REEP6: variants seen among roughly 807,000 people sequenced by gnomAD.
REEP6 encodes the protein receptor accessory protein 6, also known as receptor expression-enhancing protein 6.
A neutral mutation model predicts 22.4 loss-of-function variants in REEP6; 19 were observed. The observed-to-expected ratio is 0.85, with a 90% CI of 0.59 to 1.25. REEP6 has a LOEUF of 1.25. REEP6 is among the 50% of genes most tolerant of loss of function. The probability of loss-of-function intolerance (pLI) is 0.00; values close to 1 mark genes in which losing one functional copy is unlikely to be tolerated. For missense variants in REEP6, 273 were observed against 251.9 expected (o/e 1.08, Z -0.57); for synonymous variants, 121 against 113.6 (o/e 1.06, Z -0.41).
At chr19:1,494,232 G>A (rs552132035) in intron 1 of REEP6, among the ~76,000 whole-genome samples, 45 of 152,282 alleles carry the variant, frequency 3.0e-4, no homozygotes, top group African/African-American at 9.9e-4. Context: ...GTGCACACCC[G>A]ACCAAAGGGC....
Position 1,497,730 on chromosome 19 carries a change from T to G in REEP6, c.*519T>G. On this transcript the variant is annotated 3_prime_UTR_variant, in exon 5 of 5. Transcript: ENST00000233596. The surrounding 1 kb of genome is among the most constrained non-coding windows in gnomAD (Gnocchi z 6.5). ...CAGCGGACAGCGCCAGAAGGAATCG[T>G]CGAAACAGCCTGCCAGCAGCGCCTC... 2.1e-6 allele frequency: 1 copy of G among 470,876 alleles called. No individual in the cohort carries two copies. Among genetic ancestry groups the G allele is most frequent in the Non-Finnish European group, 4.4e-6 (1 of 227,330 alleles). 29.2% of individuals were successfully genotyped at this position (470,876 alleles called of 1,614,324 possible). A position where few individuals can be genotyped will look rare whatever the true frequency, so the allele number is the denominator to read the frequency against.
Position 1,492,337 on chromosome 19 carries a change from G to A in REEP6, c.115+953G>A, listed in dbSNP as rs112137361. On this transcript the variant is annotated intron_variant, in intron 1 of 4. Transcript: ENST00000233596. ...AAACGGGGTTTCACCATGTTGGCCA[G>A]GCTGGTCTTGAACTCCTGGCCTCAG... Among the ~76,000 whole-genome samples the A allele has an allele frequency of 2.0e-4, 31 of 152,270 alleles. 1 individual carries two copies. The highest frequency in any genetic ancestry group is 7.2e-4 in the African/African-American group (30 of 41,552).
chr19:1,497,484 C>G lies in REEP6; in HGVS notation c.*273C>G, dbSNP rs549303844. 8.7e-6 allele frequency: 6 copies of G among 690,436 alleles called. No homozygotes were observed. The highest frequency in any genetic ancestry group is 1.6e-5 in the Non-Finnish European group (6 of 368,170). The allele number at this position is 690,436 out of a possible 1,614,324, so 42.8% of individuals were successfully genotyped here. On this transcript the variant is annotated 3_prime_UTR_variant, in exon 5 of 5. Coordinates refer to ENST00000233596, the MANE Select transcript of REEP6 (RefSeq NM_138393.4). The surrounding 1 kb of genome is among the most constrained non-coding windows in gnomAD (Gnocchi z 6.5). Reference sequence around the variant, plus strand: ...GTCCGGCAGGGCCCAGGGCCAGCGTCGGGCACAGGGCAGCTCCCACTGGTC... The same window carrying G: ...GTCCGGCAGGGCCCAGGGCCAGCGTGGGGCACAGGGCAGCTCCCACTGGTC...
Position 1,491,299 on chromosome 19 carries a change from C to A in REEP6, c.30C>A (p.His10Gln), listed in dbSNP as rs533860941. ...ACGGCCTGAGGCAGCGCGTGGAGCA[C>A]TTCCTGGAGCAAAGGAACCTGGTCA... is the stretch of plus-strand genomic sequence containing the variant. MDGLRQRVE[H>Q]FLEQRNLVTE... The change falls in exon 1 of 5, where the codon CAC (histidine) becomes CAA (glutamine). Residue 10 changes from histidine (H) to glutamine (Q), a missense_variant. Physicochemically the swap from His to Gln is conservative, Grantham distance 24. Transcript: ENST00000233596. This position sits in a 1 kb window ranked among gnomAD's most constrained non-coding sequence, Gnocchi z 5.4. The A allele has an allele frequency of 1.0e-5, 15 of 1,473,560 alleles. 1 individual carries two copies. The South Asian group carries it at 1.9e-4, about 18-fold the overall frequency. 91.3% of individuals were successfully genotyped at this position (1,473,560 alleles called of 1,614,324 possible). A position where few individuals can be genotyped will look rare whatever the true frequency, so the allele number is the denominator to read the frequency against.
intron 3 of REEP6, chr19:1,495,827 A>T (rs2085001997): frequency 3.2e-6 from 2 of 620,912 alleles, no homozygotes; most frequent in African/African-American, 1.9e-5. Context: ...CTCCAATAGG[A>T]TGTCCGATGG....
chr19:1,494,700 T>TC (rs1198375751), intron 1 of REEP6, among the ~76,000 whole-genome samples: 2 of 150,880 alleles, frequency 1.3e-5, no homozygotes, highest in Admixed American at 1.3e-4. Context: ...AGATTACACT[T>TC]TTTTTTTTTT....
At chr19:1,496,563 C>A in intron 4 of REEP6, 110 bp downstream of exon 4, 1 of 1,211,240 alleles carries the variant, frequency 8.3e-7, no homozygotes. Flanking sequence ...CACTGTCCGC[C>A]TCTCTCTCTC....
intron 1 of REEP6, among the ~76,000 whole-genome samples, 153 bp from the exon 2 acceptor site, chr19:1,495,141 T>G (rs1202082752): frequency 2.6e-5 from 4 of 152,200 alleles, no homozygotes; most frequent in Admixed American, 1.3e-4. Flanking sequence ...ATGGGGGATG[T>G]ACAGGCACAT....
chr19:1,492,315 C>T (rs895709837), intron 1 of REEP6, among the ~76,000 whole-genome samples: 5 of 152,026 alleles, frequency 3.3e-5, no homozygotes, highest in Admixed American at 1.3e-4. Flanking sequence ...CATGGTGAAA[C>T]GGGGTTTCAC....
chr19:1,497,289 T>G lies in REEP6; in HGVS notation c.*78T>G. On this transcript the variant is annotated 3_prime_UTR_variant, in exon 5 of 5. Coordinates refer to ENST00000233596, the MANE Select transcript of REEP6 (RefSeq NM_138393.4). The surrounding 1 kb of genome is among the most constrained non-coding windows in gnomAD (Gnocchi z 6.5). ...GCCAGGCTCCCAGGCCTCCACAGAGTCTTCAGCGCATCCCCCAACAGCAGC... is the reference window on the plus strand; with the variant it reads ...GCCAGGCTCCCAGGCCTCCACAGAGGCTTCAGCGCATCCCCCAACAGCAGC... The G allele has an allele frequency of 7.6e-7, 1 of 1,308,680 alleles. No homozygotes were observed. Among genetic ancestry groups the G allele is most frequent in the Non-Finnish European group, 1.1e-6 (1 of 925,578 alleles). The allele number at this position is 1,308,680 out of a possible 1,614,324, so 81.1% of individuals were successfully genotyped here. A position where few individuals can be genotyped will look rare whatever the true frequency, so the allele number is the denominator to read the frequency against.
chr19:1,495,782 C>A, intron 3 of REEP6, 175 bp downstream of exon 3: 1 of 802,108 alleles, frequency 1.2e-6, no homozygotes, highest in Non-Finnish European at 1.9e-6. Flanking sequence ...GAGGGCCCAC[C>A]CTGAAGGGTG....
chr19:1,495,788 G>T, intron 3 of REEP6, 181 bp downstream of exon 3: 1 of 771,066 alleles, frequency 1.3e-6, no homozygotes, highest in Non-Finnish European at 2.0e-6. Flanking sequence ...CCACCCTGAA[G>T]GGTGTCTGAT....
Position 1,496,392 on chromosome 19 carries a change from C to G in REEP6, c.456C>G (p.Asp152Glu), listed in dbSNP as rs1387565911. The change falls in exon 4 of 5, where the codon GAC (aspartate) becomes GAG (glutamate). Residue 152 changes from aspartate to glutamate, a missense_variant. Asp to Glu is a conservative substitution (Grantham distance 45). Transcript: ENST00000233596. ...PLFLRHHGAV[D>E]RIMNDLSGRA... ...TCCTAAGGCACCACGGGGCCGTAGA[C>G]AGAATCATGAACGACCTCAGCGGGC... 4.3e-6 allele frequency: 7 copies of G among 1,613,090 alleles called. No homozygotes were observed. The highest frequency in any genetic ancestry group is 1.3e-5 in the African/African-American group (1 of 74,928).
rs1213554985 is a variant in REEP6, at chr19:1,497,754, T to G, written c.*543T>G. 2.1e-6 allele frequency: 1 copy of G among 470,588 alleles called. No homozygotes were observed. Among genetic ancestry groups the G allele is most frequent in the Admixed American group, 2.3e-5 (1 of 42,562 alleles). 29.2% of individuals were successfully genotyped at this position (470,588 alleles called of 1,614,324 possible). On this transcript the variant is annotated 3_prime_UTR_variant, in exon 5 of 5. Transcript: ENST00000233596. This position sits in a 1 kb window ranked among gnomAD's most constrained non-coding sequence, Gnocchi z 6.5. ...GTCGAAACAGCCTGCCAGCAGCGCC[T>G]CAGTGCCCGAGCTGGTCCCCTGCCA...
In REEP6 at chr19:1,497,213, G is replaced by T; in HGVS notation, c.*2G>T. ...ACCCCGCAGCCGAAGGACAAGTGAA[G>T]CAGCCCCCTGAGCCTCACAAGGACC... On this transcript the variant is annotated 3_prime_UTR_variant, in exon 5 of 5. Transcript: ENST00000233596. The surrounding 1 kb of genome is among the most constrained non-coding windows in gnomAD (Gnocchi z 6.5). 1 of 1,425,938 alleles carries T rather than the reference G, an allele frequency of 7.0e-7. No individual in the cohort carries two copies. Among genetic ancestry groups the T allele is most frequent in the African/African-American group, 1.5e-5 (1 of 66,216 alleles). The allele number at this position is 1,425,938 out of a possible 1,614,324, so 88.3% of individuals were successfully genotyped here.
In REEP6 at chr19:1,495,505, CACTGTGTGGCTCACCT is replaced by C; in HGVS notation, c.251_266del (p.Val84GlyfsTer57). 6.2e-7 allele frequency: 1 copy of C among 1,614,102 alleles called. No homozygotes were observed. The highest frequency in any genetic ancestry group is 8.5e-7 in the Non-Finnish European group (1 of 1,180,016). On this transcript the variant is annotated frameshift_variant, in exon 3 of 5. Transcript: ENST00000233596. LOFTEE classifies it high-confidence loss of function. Reference sequence around the variant, plus strand: ...TCGAGAGCCCAAGCAAGGACGACGACACTGTGTGGCTCACCTACTGGGTGGTGTACGCCCTGTTTGG... The same window carrying C: ...TCGAGAGCCCAAGCAAGGACGACGACACTGGGTGGTGTACGCCCTGTTTGG...
At position 1,497,401 on chromosome 19, in the gene REEP6, C is replaced by T. The variant is rs1344333751; in HGVS notation, c.*190C>T. On this transcript the variant is annotated 3_prime_UTR_variant, in exon 5 of 5. Transcript: ENST00000233596. The surrounding 1 kb of genome is among the most constrained non-coding windows in gnomAD (Gnocchi z 6.5). ...AAGTCCCAGTCCCAGTCCTCGGCCACCCCCAGCTCTGGATCCCAGGGCCAG... is the reference window on the plus strand; with the variant it reads ...AAGTCCCAGTCCCAGTCCTCGGCCATCCCCAGCTCTGGATCCCAGGGCCAG... The T allele has an allele frequency of 4.2e-6, 3 of 718,784 alleles. No homozygotes were observed. Among genetic ancestry groups the T allele is most frequent in the East Asian group, 2.7e-5 (1 of 37,154 alleles). The allele number at this position is 718,784 out of a possible 1,614,324, so 44.5% of individuals were successfully genotyped here. A position where few individuals can be genotyped will look rare whatever the true frequency, so the allele number is the denominator to read the frequency against.
Position 1,495,298 on chromosome 19 carries a change from C to T in REEP6, c.120C>T (p.Ala40=), listed in dbSNP as rs202137639. The T allele has an allele frequency of 3.6e-5, 58 of 1,612,390 alleles. No individual in the cohort carries two copies. In the Middle Eastern group the frequency reaches 6.6e-4, roughly 18 times the overall value. Reference sequence around the variant, plus strand: ...ACCACCGCCTCTCTCCGGCAGGAGCCGTCACTCTGCTAAGCCTGTATCTGC... The same window carrying T: ...ACCACCGCCTCTCTCCGGCAGGAGCTGTCACTCTGCTAAGCCTGTATCTGC... ...GVEKRYLAAG[A]VTLLSLYLLF... The change falls in exon 2 of 5, where the codon GCC becomes GCT. Residue 40 remains alanine (A), a synonymous_variant. Transcript: ENST00000233596.
Position 1,491,434 on chromosome 19 carries a change from G to A in REEP6, c.115+50G>A, listed in dbSNP as rs1187951563. 2 of 1,257,982 alleles carry A rather than the reference G, an allele frequency of 1.6e-6. No homozygotes were observed. The highest frequency in any genetic ancestry group is 2.1e-6 in the Non-Finnish European group (2 of 959,764). The allele number at this position is 1,257,982 out of a possible 1,614,324, so 77.9% of individuals were successfully genotyped here. A position where few individuals can be genotyped will look rare whatever the true frequency, so the allele number is the denominator to read the frequency against. On this transcript the variant is annotated intron_variant, in intron 1 of 4. Transcript: ENST00000233596. This position sits in a 1 kb window ranked among gnomAD's most constrained non-coding sequence, Gnocchi z 5.4. ...TCGCCGACGGGCACACCGAGGCCAT[G>A]GGCCTGGGGGTCGCAGACCGGACTC... is the stretch of plus-strand genomic sequence containing the variant.
Sources: allele counts gnomAD v4.1 joint callset (sites outside exome capture counted in the v4.1 genomes callset), GRCh38; gene constraint gnomAD v4.1.1; non-coding constraint Gnocchi (gnomAD v3.1); transcripts MANE v1.5; gene names NCBI Gene and HGNC (gene_info 2026-07-23, HGNC 2026-07-21).